Variants in ADCK5 observed in about 807,000 individuals in gnomAD.
The protein encoded by ADCK5 is aarF domain containing kinase 5.
ADCK5 carries 43 observed loss-of-function variants against 64.9 expected under a neutral mutation model. The observed-to-expected ratio is 0.66, with a 90% CI of 0.52 to 0.85. The LOEUF is 0.85. Ranked by LOEUF, ADCK5 falls within the 40% of genes least tolerant of loss-of-function variation. The probability of loss-of-function intolerance (pLI) is 0.00; values close to 1 mark genes in which losing one functional copy is unlikely to be tolerated. For synonymous variants in ADCK5, 434 were observed against 342.8 expected, an observed-to-expected ratio of 1.27 and a Z score of -2.94; for missense variants, 760 against 810.5, an observed-to-expected ratio of 0.94 and a Z score of 0.76.
At chr8:144,383,522 G>C (rs1489314449) in intron 3 of ADCK5, among the ~76,000 whole-genome samples, 1 of 152,186 alleles carries the variant, frequency 6.6e-6, no homozygotes, top group Non-Finnish European at 1.5e-5. Context: ...GGCCTTAGTG[G>C]GGAGGCGCTC....
In ADCK5 at chr8:144,376,505, C is replaced by T. The variant is rs1288091666; in HGVS notation, c.12+2398C>T. ...CCTGGATAAGAATGGGAGTGAGAGA[C>T]GCAGCTGGAGCCCCTTCTGCAATGC... On this transcript the variant is annotated intron_variant, in intron 1 of 14. Coordinates refer to ENST00000308860, the MANE Select transcript of ADCK5 (RefSeq NM_174922.5). This position sits in a 1 kb window ranked among gnomAD's most constrained non-coding sequence, Gnocchi z 5.1. 3.3e-5 allele frequency among the ~76,000 whole-genome samples: 5 copies of T among 152,282 alleles called. No homozygotes were observed. Among genetic ancestry groups the T allele is most frequent in the South Asian group, 2.1e-4 (1 of 4,820 alleles).
At chr8:144,385,715 G>A (rs1168633970) in intron 3 of ADCK5, among the ~76,000 whole-genome samples, 2 of 151,870 alleles carry the variant, frequency 1.3e-5, no homozygotes, top group Non-Finnish European at 2.9e-5. Context: ...TGTAATCCCA[G>A]AACTTTGGGA....
chr8:144,392,895 G>T lies in ADCK5; in HGVS notation c.1637+3G>T. 6.2e-7 allele frequency: 1 copy of T among 1,600,738 alleles called. No homozygotes were observed. ...CTCAAGTTTGAAGTGGCGCTCAGGT[G>T]AGTGGCCGCGGGGCAGGTGGGTGGC... On this transcript the variant is annotated splice_donor_region_variant and intron_variant, in intron 14 of 14. Coordinates refer to ENST00000308860, the MANE Select transcript of ADCK5 (RefSeq NM_174922.5).
At position 144,391,394 on chromosome 8, in the gene ADCK5, G is replaced by A. The variant is rs1418555814; in HGVS notation, c.718G>A (p.Gly240Arg). The A allele has an allele frequency of 1.2e-6, 2 of 1,613,076 alleles. No homozygotes were observed. The highest frequency in any genetic ancestry group is 1.7e-6 in the Non-Finnish European group (2 of 1,180,010). Reference protein sequence around the residue: ...QYIDLRDRFDGDIHTLELLLR... With the variant: ...QYIDLRDRFDRDIHTLELLLR... Reference sequence around the variant, plus strand: ...CATCGACCTGCGGGACCGCTTTGATGGGGACATCCACACCCTGGAGCTCCT... The same window carrying A: ...CATCGACCTGCGGGACCGCTTTGATAGGGACATCCACACCCTGGAGCTCCT... The change falls in exon 7 of 15, where the codon GGG (glycine) becomes AGG (arginine). Residue 240 changes from glycine (G) to arginine (R), a missense_variant. By Grantham distance (125) the Gly-to-Arg change is moderately radical (BLOSUM62 -2). This residue lies in a region of ADCK5 where 427 missense variants were observed against 518.4 expected (regional missense o/e 0.82). Transcript: ENST00000308860.
chr8:144,386,158 G>A (rs944045367), intron 3 of ADCK5, among the ~76,000 whole-genome samples: 2 of 150,100 alleles, frequency 1.3e-5, no homozygotes, highest in Non-Finnish European at 1.5e-5. Flanking sequence ...ACAGGTGTGC[G>A]CGCCACCATG....
chr8:144,383,366 A>T, intron 3 of ADCK5, 136 bp downstream of exon 3: 1 of 1,306,442 alleles, frequency 7.7e-7, no homozygotes, highest in Non-Finnish European at 1.0e-6. Context: ...TGAGGATTTT[A>T]CAGCTGCTTT....
intron 1 of ADCK5, among the ~76,000 whole-genome samples, chr8:144,375,953 CTG>C (rs1184991823): frequency 3.9e-5 from 6 of 152,210 alleles, no homozygotes; most frequent in Non-Finnish European, 7.3e-5. Flanking sequence ...GCGGTTGGGG[CTG>C]TGTGTCACGT....
intron 2 of ADCK5, among the ~76,000 whole-genome samples, chr8:144,381,605 T>C (rs1230779789): frequency 3.1e-4 from 19 of 60,976 alleles, no homozygotes; most frequent in Admixed American, 8.3e-4. Context: ...AACAGATGTG[T>C]GCTCAGGCAC....
At chr8:144,373,366 T>G (rs1819231035), upstream of ADCK5, 1 of 152,548 alleles carries the variant, frequency 6.6e-6, no homozygotes, top group African/African-American at 2.4e-5. Context: ...GTAGCCTTGC[T>G]GGCTGCATGG....
chr8:144,391,822 A>G lies in ADCK5; in HGVS notation c.970A>G (p.Asn324Asp), dbSNP rs1554860772. Reference protein sequence around the residue: ...TADFCAGCKVNDVEAIRSQGL... With the variant: ...TADFCAGCKVDDVEAIRSQGL... ...CGACTTCTGCGCCGGCTGCAAGGTC[A>G]ACGATGTGGAGGCCATCAGGAGCCA... is the stretch of plus-strand genomic sequence containing the variant. The change falls in exon 9 of 15, where the codon AAC (asparagine) becomes GAC (aspartate). Residue 324 changes from asparagine (N) to aspartate (D), a missense_variant. Around this residue, in one of 2 missense-constraint regions of ADCK5, gnomAD observed 427 missense variants for 518.4 expected, o/e 0.82. Coordinates refer to ENST00000308860, the MANE Select transcript of ADCK5 (RefSeq NM_174922.5). 1.3e-6 allele frequency: 2 copies of G among 1,570,354 alleles called. No homozygotes were observed. The highest frequency in any genetic ancestry group is 2.3e-5 in the East Asian group (1 of 43,122).
rs201295286 is a variant in ADCK5, at chr8:144,392,307, C to A, written c.1229C>A (p.Ala410Asp). The change falls in exon 12 of 15, where the codon GCC becomes GAC. Residue 410 changes from alanine (A) to aspartate (D), a missense_variant. Ala to Asp is a moderately radical substitution (Grantham distance 126). This residue lies in a region of ADCK5 where 333 missense variants were observed against 292.0 expected (regional missense o/e 1.14). Transcript: ENST00000308860. ...LWRAIILRDD[A>D]AMRAHAAALG... ...CGGGCCATCATCCTGCGGGACGACG[C>A]CGCCATGAGGGCGCACGCAGCCGCA... The A allele has an allele frequency of 8.0e-6, 12 of 1,492,436 alleles. No homozygotes were observed. Among genetic ancestry groups the A allele is most frequent in the Admixed American group, 6.4e-5 (3 of 47,120 alleles). 92.4% of individuals were successfully genotyped at this position (1,492,436 alleles called of 1,614,324 possible).
At chr8:144,378,306 G>C (rs1216683068) in intron 1 of ADCK5, among the ~76,000 whole-genome samples, 2 of 152,152 alleles carry the variant, frequency 1.3e-5, no homozygotes, top group African/African-American at 4.8e-5. Context: ...TCTGAGTCGC[G>C]ATTCCCAGTG....
chr8:144,383,037 G>A (rs1554858591), intron 2 of ADCK5, 44 bp from the exon 3 acceptor site: 1 of 1,565,382 alleles, frequency 6.4e-7, no homozygotes, highest in East Asian at 2.4e-5. Context: ...GAGCCCAGCT[G>A]AATGTGGGGG....
At chr8:144,375,777 G>A in intron 1 of ADCK5, 1 of 594,856 alleles carries the variant, frequency 1.7e-6, no homozygotes, top group Non-Finnish European at 2.1e-6. Flanking sequence ...GGTTCTGACA[G>A]GGGGCACCCG....
In ADCK5 at chr8:144,384,135, G is replaced by A. The variant is rs187775501; in HGVS notation, c.266+905G>A. ...TCACTGTGTTAGCCAGGATGGTCTC[G>A]ATCTCCTGACCTCGTGATCCACCCG... is the stretch of plus-strand genomic sequence containing the variant. On this transcript the variant is annotated intron_variant, in intron 3 of 14. Transcript: ENST00000308860. The surrounding 1 kb of genome is among the most constrained non-coding windows in gnomAD (Gnocchi z 5.7). Among the ~76,000 whole-genome samples, 51 of 151,880 alleles carry A rather than the reference G, an allele frequency of 3.4e-4. No homozygotes were observed. The highest frequency in any genetic ancestry group is 1.2e-3 in the African/African-American group (49 of 41,428).
At chr8:144,375,606 C>A in intron 1 of ADCK5, 1 of 985,474 alleles carries the variant, frequency 1.0e-6, no homozygotes, top group Non-Finnish European at 1.2e-6. Context: ...GGCCAAAGCA[C>A]GCCCTTTGGT....
In ADCK5 at chr8:144,391,638, A is replaced by T. The variant is rs1554860653; in HGVS notation, c.857A>T (p.Glu286Val). The change falls in exon 8 of 15, where the codon GAG (glutamate) becomes GTG (valine). Residue 286 changes from glutamate (E) to valine (V), a missense_variant. Around this residue, in one of 2 missense-constraint regions of ADCK5, gnomAD observed 427 missense variants for 518.4 expected, o/e 0.82. Coordinates refer to ENST00000308860, the MANE Select transcript of ADCK5 (RefSeq NM_174922.5). ...TTCGAGAATGAGGGCCGCAACGCAG[A>T]GCGCTGTGCGCGGGAGCTGGCGCAC... is the stretch of plus-strand genomic sequence containing the variant. ...LDFENEGRNAERCARELAHFP... is the reference protein window; with the variant it reads ...LDFENEGRNAVRCARELAHFP... 2 of 1,556,260 alleles carry T rather than the reference A, an allele frequency of 1.3e-6. No individual in the cohort carries two copies. Among genetic ancestry groups the T allele is most frequent in the Non-Finnish European group, 1.7e-6 (2 of 1,155,342 alleles).
At position 144,383,924 on chromosome 8, in the gene ADCK5, GCT is replaced by G. The variant is rs1419183276; in HGVS notation, c.266+697_266+698del. 1.0e-4 allele frequency among the ~76,000 whole-genome samples: 12 copies of G among 119,570 alleles called. No individual in the cohort carries two copies. The East Asian group carries it at 1.2e-3, about 12-fold the overall frequency. The allele number at this position is 119,570 out of a possible 152,430, so 78.4% of individuals were successfully genotyped here. A position where few individuals can be genotyped will look rare whatever the true frequency, so the allele number is the denominator to read the frequency against. ...TTTTTTTTTTTTGAGACAGAGTCTC[GCT>G]CTGTCACCCAGGCTGGAGTGCAGTG... On this transcript the variant is annotated intron_variant, in intron 3 of 14. Transcript: ENST00000308860.
intron 1 of ADCK5, among the ~76,000 whole-genome samples, chr8:144,375,182 C>T (rs1172332242): frequency 6.6e-6 from 1 of 152,216 alleles, no homozygotes; most frequent in African/African-American, 2.4e-5. Flanking sequence ...CCTCCCCAGC[C>T]CCAGCGAGTG....
Sources: gnomAD v4.1 joint callset for allele counts (sites outside exome capture counted in the v4.1 genomes callset) on GRCh38, gnomAD v4.1.1 for gene constraint, gnomAD v4.1.1 regional missense constraint, Gnocchi (gnomAD v3.1) non-coding constraint, MANE v1.5 for transcripts, NCBI Gene and HGNC (gene_info 2026-07-23, HGNC 2026-07-21) for gene names.